SHISA6: variants seen among roughly 807,000 people sequenced by gnomAD.
The protein encoded by SHISA6 is protein shisa-6.
Under a neutral mutation model 47.9 loss-of-function variants are expected in SHISA6, and 22 were observed. The ratio of observed to expected loss-of-function variants is 0.46; its 90% CI spans 0.33 to 0.66. SHISA6 has a LOEUF of 0.66. Among genes scored for constraint, SHISA6 ranks in the 30% least tolerant of loss-of-function variants. The pLI is 0.02. For missense variants in SHISA6, 680 were observed against 764.6 expected, an observed-to-expected ratio of 0.89 and a Z score of 1.30; for synonymous variants, 388 against 337.8, an observed-to-expected ratio of 1.15 and a Z score of -1.63.
intron 3 of SHISA6, among the ~76,000 whole-genome samples, chr17:11,443,127 C>G (rs1255060413): frequency 6.6e-6 from 1 of 152,216 alleles, no homozygotes; most frequent in African/African-American, 2.4e-5. Flanking sequence ...GACACACGTA[C>G]TTGACCCGGC....
At chr17:11,385,981 G>T (rs936101717) in intron 3 of SHISA6, among the ~76,000 whole-genome samples, 2 of 152,116 alleles carry the variant, frequency 1.3e-5, no homozygotes, top group African/African-American at 4.8e-5. Flanking sequence ...AACAGTTTGG[G>T]GGTGGGAGGG....
intron 3 of SHISA6, among the ~76,000 whole-genome samples, chr17:11,544,954 C>A (rs2071870174): frequency 7.4e-6 from 1 of 136,008 alleles, no homozygotes; most frequent in African/African-American, 2.9e-5. Flanking sequence ...GAGAAAGACT[C>A]TCTCTCCAAA....
chr17:11,255,966 A>G (rs975756208), intron 1 of SHISA6, among the ~76,000 whole-genome samples: 1 of 152,204 alleles, frequency 6.6e-6, no homozygotes, highest in African/African-American at 2.4e-5. Context: ...ACATCATTTA[A>G]TCCTTATGAT....
chr17:11,451,117 C>A (rs1915389077), intron 3 of SHISA6, among the ~76,000 whole-genome samples: 1 of 152,078 alleles, frequency 6.6e-6, no homozygotes, highest in African/African-American at 2.4e-5. Context: ...GGAAGCTGAC[C>A]CTGCTGGTCA....
intron 3 of SHISA6, among the ~76,000 whole-genome samples, chr17:11,518,966 T>G (rs1392025824): frequency 6.6e-6 from 1 of 152,172 alleles, no homozygotes; most frequent in Admixed American, 6.5e-5. Flanking sequence ...TCAAAACCAT[T>G]GAAGTATCTC....
intron 2 of SHISA6, among the ~76,000 whole-genome samples, chr17:11,294,519 T>G (rs1170984443): frequency 2.0e-5 from 3 of 152,222 alleles, no homozygotes; most frequent in Non-Finnish European, 4.4e-5. Flanking sequence ...TGCTCCTTTT[T>G]GCTGATTTAA....
chr17:11,267,545 A>T (rs1934878527), intron 2 of SHISA6, among the ~76,000 whole-genome samples: 1 of 152,234 alleles, frequency 6.6e-6, no homozygotes, highest in African/African-American at 2.4e-5. Flanking sequence ...CCTGGCATTG[A>T]TATTAAAAAA....
chr17:11,308,493 A>G (rs36040276), intron 2 of SHISA6, among the ~76,000 whole-genome samples: 88,640 of 151,938 alleles, frequency 0.58, 26,705 homozygotes, highest in Non-Finnish European at 0.67. Context: ...CCCCTCTACC[A>G]AAGGCCACAG....
chr17:11,352,158 G>A (rs1393265690), intron 2 of SHISA6, among the ~76,000 whole-genome samples: 1 of 150,850 alleles, frequency 6.6e-6, no homozygotes, highest in African/African-American at 2.4e-5. Flanking sequence ...GAGAGAGAGG[G>A]TAGGTAAACA....
chr17:11,532,484 CGT>C lies in SHISA6; in HGVS notation c.896-19400_896-19399del, dbSNP rs367554125. ...GAAAGCAAAATAGGCTGTGCGCGCGCGTGTGTGTGTGTGCGCGCACGCGCGTA... is the reference window on the plus strand; with the variant it reads ...GAAAGCAAAATAGGCTGTGCGCGCGCGTGTGTGTGTGCGCGCACGCGCGTA... On this transcript the variant is annotated intron_variant, in intron 3 of 5. Transcript: ENST00000441885. 5.3e-4 allele frequency among the ~76,000 whole-genome samples: 80 copies of C among 151,840 alleles called. 2 individuals are homozygous for C. The South Asian group carries it at 5.8e-3, about 11-fold the overall frequency.
rs1390600357 is a variant in SHISA6 at position 11,563,092 on chromosome 17, A to G, written c.*4788A>G. The G allele has an allele frequency of 2.0e-5, 3 of 152,286 alleles. No individual in the cohort carries two copies. Among genetic ancestry groups the G allele is most frequent in the Non-Finnish European group, 2.9e-5 (2 of 68,126 alleles). The allele number at this position is 152,286 out of a possible 1,614,324, so 9.4% of individuals were successfully genotyped here. On this transcript the variant is annotated 3_prime_UTR_variant, in exon 6 of 6. Transcript: ENST00000441885. ...TTATAGCTGGAGGGAGGCGGTTCCAATTTCAGAGAGGGAGCTGGCTGGAGA... is the reference window on the plus strand; with the variant it reads ...TTATAGCTGGAGGGAGGCGGTTCCAGTTTCAGAGAGGGAGCTGGCTGGAGA...
chr17:11,415,641 G>GA (rs1914258507), intron 3 of SHISA6, among the ~76,000 whole-genome samples: 1 of 152,162 alleles, frequency 6.6e-6, no homozygotes, highest in Non-Finnish European at 1.5e-5. Context: ...TATTAATGAG[G>GA]TTGTTCATTC....
At chr17:11,405,569 C>T (rs1174500344) in intron 3 of SHISA6, among the ~76,000 whole-genome samples, 2 of 152,014 alleles carry the variant, frequency 1.3e-5, no homozygotes, top group East Asian at 1.9e-4. Flanking sequence ...TTTGGGAGGC[C>T]GAGGCGGGTG....
At chr17:11,272,344 C>T (rs918523383) in intron 2 of SHISA6, among the ~76,000 whole-genome samples, 9 of 152,182 alleles carry the variant, frequency 5.9e-5, no homozygotes, top group East Asian at 3.9e-4. Context: ...CCCAGGCTCC[C>T]GCGTGGCTCT....
chr17:11,502,969 G>A (rs141082843), intron 3 of SHISA6, among the ~76,000 whole-genome samples: 229 of 152,278 alleles, frequency 1.5e-3, no homozygotes, highest in African/African-American at 5.4e-3. Flanking sequence ...AGATTACTGT[G>A]GGGTAGGGGT....
At chr17:11,457,099 C>A (rs750247571) in intron 3 of SHISA6, among the ~76,000 whole-genome samples, 3 of 152,160 alleles carry the variant, frequency 2.0e-5, no homozygotes, top group Non-Finnish European at 4.4e-5. Flanking sequence ...AAGAGCCTAT[C>A]TGCAAATCTC....
At chr17:11,329,266 C>A (rs578054836) in intron 2 of SHISA6, among the ~76,000 whole-genome samples, 2 of 152,342 alleles carry the variant, frequency 1.3e-5, no homozygotes, top group African/African-American at 4.8e-5. Context: ...GACTGCTGAA[C>A]ATGGACACCG....
chr17:11,267,632 G>C (rs1908475357), intron 2 of SHISA6, among the ~76,000 whole-genome samples: 1 of 152,162 alleles, frequency 6.6e-6, no homozygotes, highest in Admixed American at 6.5e-5. Flanking sequence ...AAGTTTTGAG[G>C]GAACTGGAGG....
At chr17:11,340,808 G>A (rs1313925364) in intron 2 of SHISA6, among the ~76,000 whole-genome samples, 1 of 152,196 alleles carries the variant, frequency 6.6e-6, no homozygotes, top group Non-Finnish European at 1.5e-5. Flanking sequence ...CTAGAATAGT[G>A]GACACTGCAG....
Sources: allele counts gnomAD v4.1 joint callset (sites outside exome capture counted in the v4.1 genomes callset), GRCh38; gene constraint gnomAD v4.1.1; transcripts MANE v1.5; gene names NCBI Gene and HGNC (gene_info 2026-07-23, HGNC 2026-07-21).